The following MEF2A variants were observed in gnomAD, a reference collection of about 807,000 sequenced individuals.
MEF2A encodes the protein myocyte-specific enhancer factor 2A.
Under a neutral mutation model 55.8 loss-of-function variants are expected in MEF2A, and 28 were observed. The ratio of observed to expected loss-of-function variants is 0.50; its 90% CI spans 0.37 to 0.69. The LOEUF (loss-of-function observed/expected upper bound fraction) is 0.69. Among genes scored for constraint, MEF2A ranks in the 30% least tolerant of loss-of-function variants. The pLI, the probability that MEF2A is intolerant of heterozygous loss-of-function variation, is 0.00. For missense variants in MEF2A, 528 were observed against 626.2 expected, an observed-to-expected ratio of 0.84 and a Z score of 1.67; for synonymous variants, 239 against 227.1, an observed-to-expected ratio of 1.05 and a Z score of -0.47.
At chr15:99,570,822 AC>A (rs1304367559) in intron 1 of MEF2A, among the ~76,000 whole-genome samples, 1 of 151,124 alleles carries the variant, frequency 6.6e-6, no homozygotes, top group East Asian at 1.9e-4. Flanking sequence ...AAAAAAAAAA[AC>A]AACTTTTGAA....
chr15:99,655,812 T>TAG (rs985671948), intron 4 of MEF2A, among the ~76,000 whole-genome samples: 1 of 152,046 alleles, frequency 6.6e-6, no homozygotes, highest in South Asian at 2.1e-4. Flanking sequence ...TATATTATTA[T>TAG]AGAGAGAGAG....
At chr15:99,703,087 A>G (rs193125945) in intron 8 of MEF2A, among the ~76,000 whole-genome samples, 43 of 152,336 alleles carry the variant, frequency 2.8e-4, no homozygotes, top group African/African-American at 7.7e-4. Context: ...TAGCATGACT[A>G]TGTATAAGAG....
At chr15:99,637,706 G>A (rs925382501) in intron 3 of MEF2A, among the ~76,000 whole-genome samples, 9 of 151,868 alleles carry the variant, frequency 5.9e-5, no homozygotes, top group African/African-American at 2.2e-4. Context: ...GCAGTGGCAC[G>A]CTGTCGGCTC....
chr15:99,710,867 T>C (rs2058568135), intron 11 of MEF2A, 107 bp downstream of exon 11: 1 of 1,263,476 alleles, frequency 7.9e-7, no homozygotes, highest in African/African-American at 1.5e-5. Context: ...AGGAATCCTG[T>C]AATGATTCCT....
intron 2 of MEF2A, among the ~76,000 whole-genome samples, chr15:99,601,857 G>A (rs1176361946): frequency 7.5e-5 from 3 of 40,132 alleles, no homozygotes; most frequent in East Asian, 1.7e-3. Context: ...GTGTGTGTGT[G>A]TCAGGGTAAT....
chr15:99,592,486 G>A (rs903034492), intron 1 of MEF2A, among the ~76,000 whole-genome samples: 1 of 152,138 alleles, frequency 6.6e-6, no homozygotes, highest in Non-Finnish European at 1.5e-5. Context: ...AACACACTGT[G>A]TTAGTCTGTT....
chr15:99,586,561 A>G (rs1967344166), intron 1 of MEF2A, among the ~76,000 whole-genome samples: 1 of 152,098 alleles, frequency 6.6e-6, no homozygotes, highest in African/African-American at 2.4e-5. Context: ...ATCTTTATAT[A>G]TTCTACATAG....
chr15:99,712,552 G>A lies in MEF2A; in HGVS notation c.1299G>A (p.Pro433=), dbSNP rs367780642. ...QQQQQQPPPP[P]QPQPQPPQPQ... is the part of the protein sequence containing the mutation. Reference sequence around the variant, plus strand: ...AGCAGCAGCAGCCGCCGCCACCACCGCAGCCCCAGCCACAACCCCCGCAGC... The same window carrying A: ...AGCAGCAGCAGCCGCCGCCACCACCACAGCCCCAGCCACAACCCCCGCAGC... Residue 433 remains proline (P), a synonymous_variant, in exon 12 of 12, where the codon CCG becomes CCA. Transcript: ENST00000557942. The surrounding 1 kb of genome is among the most constrained non-coding windows in gnomAD (Gnocchi z 4.1). The A allele has an allele frequency of 1.2e-3, 1,798 of 1,549,988 alleles. 25 individuals carry two copies. In the East Asian group the frequency reaches 0.029, roughly 25 times the overall value.
chr15:99,608,037 A>T (rs1975784494), intron 2 of MEF2A, among the ~76,000 whole-genome samples: 1 of 152,218 alleles, frequency 6.6e-6, no homozygotes, highest in South Asian at 2.1e-4. Context: ...TAATTCATTG[A>T]TACATTTGAT....
intron 2 of MEF2A, among the ~76,000 whole-genome samples, chr15:99,608,923 A>G (rs1355787670): frequency 6.6e-6 from 1 of 151,976 alleles, no homozygotes; most frequent in African/African-American, 2.4e-5. Flanking sequence ...AGAAGGTGCT[A>G]TTTTGTTGTT....
chr15:99,661,512 A>G (rs530076373), intron 4 of MEF2A, among the ~76,000 whole-genome samples: 1 of 152,002 alleles, frequency 6.6e-6, no homozygotes, highest in African/African-American at 2.4e-5. Context: ...TAATTACTAT[A>G]AAAATAAATA....
At chr15:99,606,115 C>T (rs1291317265) in intron 2 of MEF2A, among the ~76,000 whole-genome samples, 2 of 152,126 alleles carry the variant, frequency 1.3e-5, no homozygotes, top group Admixed American at 6.5e-5. Flanking sequence ...CACATGTACA[C>T]GGACACTTGC....
In MEF2A at chr15:99,645,722, T is replaced by C; in HGVS notation, c.216T>C (p.Tyr72=). 1 of 1,611,692 alleles carries C rather than the reference T, an allele frequency of 6.2e-7. No homozygotes were observed. The highest frequency in any genetic ancestry group is 8.5e-7 in the Non-Finnish European group (1 of 1,178,688). The change falls in exon 4 of 12, where the codon TAT becomes TAC. Residue 72 remains tyrosine, a synonymous_variant. Coordinates refer to ENST00000557942, the MANE Select transcript of MEF2A (RefSeq NM_001319206.4). ...AAGTTCTTCTCAAGTATACAGAATA[T>C]AATGAACCTCATGAAAGCAGAACCA... is the stretch of plus-strand genomic sequence containing the variant. ...MDKVLLKYTE[Y]NEPHESRTNS...
chr15:99,680,931 A>G (rs2053130926), intron 7 of MEF2A, among the ~76,000 whole-genome samples: 1 of 152,142 alleles, frequency 6.6e-6, no homozygotes, highest in African/African-American at 2.4e-5. Flanking sequence ...TGTGCAAATA[A>G]AACTTGGCAG....
At chr15:99,566,429 A>G (rs1355461264) in intron 1 of MEF2A, 2 of 8,198 alleles carry the variant, frequency 2.4e-4, no homozygotes, top group African/African-American at 4.0e-4. Flanking sequence ...GGGTGCCCTG[A>G]GGGCGGGCCG....
intron 2 of MEF2A, among the ~76,000 whole-genome samples, chr15:99,615,047 C>G (rs2039968532): frequency 2.0e-5 from 3 of 152,084 alleles, no homozygotes; most frequent in Non-Finnish European, 4.4e-5. Context: ...GGAAATTGCA[C>G]TGGAGGGAAA....
rs188749896 is a variant in MEF2A, at chr15:99,622,851, G to A, written c.-142-10127G>A. Among the ~76,000 whole-genome samples the A allele has an allele frequency of 4.3e-3, 652 of 151,860 alleles. 2 individuals are homozygous for A. The highest frequency in any genetic ancestry group is 6.8e-3 in the Middle Eastern group (2 of 292). ...CCTAGTAGCTGGGACTACAGGCGCC[G>A]CCACCATGCCCGGCTAATTTTTTTT... On this transcript the variant is annotated intron_variant, in intron 2 of 11. Coordinates refer to ENST00000557942, the MANE Select transcript of MEF2A (RefSeq NM_001319206.4).
At position 99,716,087 on chromosome 15, in the gene MEF2A, A is replaced by T. The variant is rs1415932713; in HGVS notation, c.*3316A>T. The T allele has an allele frequency of 2.5e-5, 4 of 157,424 alleles. No homozygotes were observed. Among genetic ancestry groups the T allele is most frequent in the Admixed American group, 2.5e-4 (4 of 16,168 alleles). The allele number at this position is 157,424 out of a possible 1,614,324, so 9.8% of individuals were successfully genotyped here. The stretch of plus-strand genomic sequence containing the variant: ...TCTTAAGCTAGATGATTAGAATGTG[A>T]AAAAGATTTTACAAATGTAAAACTT... On this transcript the variant is annotated 3_prime_UTR_variant, in exon 12 of 12. Transcript: ENST00000557942.
rs531847177 is a variant in MEF2A, at chr15:99,610,048, G to GT, written c.-143+11538dup. Among the ~76,000 whole-genome samples, 592 of 151,880 alleles carry GT rather than the reference G, an allele frequency of 3.9e-3. 4 individuals carry two copies. The highest frequency in any genetic ancestry group is 0.014 in the African/African-American group (572 of 41,404). ...GTGGATACTATTTAGAGGACCCAGGGTATCATATTTAAATACAGTAAAAAT... is the reference window on the plus strand; with the variant it reads ...GTGGATACTATTTAGAGGACCCAGGGTTATCATATTTAAATACAGTAAAAAT... On this transcript the variant is annotated intron_variant, in intron 2 of 11. Coordinates refer to ENST00000557942, the MANE Select transcript of MEF2A (RefSeq NM_001319206.4).
Sources: allele counts gnomAD v4.1 joint callset (sites outside exome capture counted in the v4.1 genomes callset), GRCh38; gene constraint gnomAD v4.1.1; non-coding constraint Gnocchi (gnomAD v3.1); transcripts MANE v1.5; gene names NCBI Gene and HGNC (gene_info 2026-07-23, HGNC 2026-07-21).